The following RBFOX1 variants were observed in gnomAD, a reference collection of about 807,000 sequenced individuals.
The protein encoded by RBFOX1 is RNA binding fox-1 homolog 1.
A neutral mutation model predicts 57.7 loss-of-function variants in RBFOX1; 8 were observed. The observed-to-expected ratio is 0.14, with a 90% CI of 0.08 to 0.25. The LOEUF (loss-of-function observed/expected upper bound fraction) is 0.25, where lower values mean the gene tolerates loss of function less well. Among genes scored for constraint, RBFOX1 ranks in the 10% least tolerant of loss-of-function variants. The pLI is 1.00. For synonymous variants in RBFOX1, 326 were observed against 222.4 expected (o/e 1.47, Z -4.15); for missense variants, 611 against 548.5 (o/e 1.11, Z -1.14).
chr16:6,810,582 C>G (rs1161792955), intron 3 of RBFOX1, among the ~76,000 whole-genome samples: 1 of 151,854 alleles, frequency 6.6e-6, no homozygotes, highest in Non-Finnish European at 1.5e-5. Flanking sequence ...TTATGAGTTT[C>G]ATAGTGCTAT....
chr16:5,601,015 T>G (rs1328556683), downstream of RBFOX1, among the ~76,000 whole-genome samples: 1 of 152,234 alleles, frequency 6.6e-6, no homozygotes, highest in African/African-American at 2.4e-5. Flanking sequence ...CCAGGAGTCT[T>G]GCAGCTTCAC....
intron 3 of RBFOX1, among the ~76,000 whole-genome samples, chr16:5,717,022 CT>C (rs145171515): frequency 0.027 from 4,100 of 152,216 alleles, 171 homozygotes; most frequent in African/African-American, 0.089. Flanking sequence ...GCAGAAAAAA[CT>C]CTTAACTCCA....
chr16:7,699,746 C>G (rs1187774569), intron 14 of RBFOX1, among the ~76,000 whole-genome samples: 1 of 150,416 alleles, frequency 6.6e-6, no homozygotes, highest in Non-Finnish European at 1.5e-5. Flanking sequence ...TTTTTTTTTA[C>G]TTTTTAAAAT....
intron 2 of RBFOX1, among the ~76,000 whole-genome samples, chr16:6,473,366 C>T (rs2095221232): frequency 1.3e-5 from 2 of 152,086 alleles, no homozygotes; most frequent in African/African-American, 4.8e-5. Context: ...TCAGTTCATG[C>T]AATAATGGAT....
chr16:7,590,789 G>A (rs1004046756), intron 7 of RBFOX1, among the ~76,000 whole-genome samples: 1 of 151,420 alleles, frequency 6.6e-6, no homozygotes, highest in Non-Finnish European at 1.5e-5. Context: ...AACCCGGGGG[G>A]TGGAGATTGC....
intron 2 of RBFOX1, among the ~76,000 whole-genome samples, chr16:6,351,248 G>A (rs189256136): frequency 6.7e-6 from 1 of 149,672 alleles, no homozygotes; most frequent in Admixed American, 6.7e-5. Context: ...ATATGCATAT[G>A]CGTTTGAATT....
At chr16:7,224,847 A>G (rs2092991464) in intron 4 of RBFOX1, among the ~76,000 whole-genome samples, 1 of 152,124 alleles carries the variant, frequency 6.6e-6, no homozygotes, top group Admixed American at 6.5e-5. Context: ...TTCCAGACAC[A>G]CCTACTGGAT....
At chr16:5,584,656 C>G (rs551656612) in intron 2 of RBFOX1, among the ~76,000 whole-genome samples, 35 of 152,296 alleles carry the variant, frequency 2.3e-4, no homozygotes, top group African/African-American at 7.0e-4. Flanking sequence ...GTGTCTGAGG[C>G]TGTCCCTGTG....
chr16:7,306,973 A>G (rs538082443), intron 4 of RBFOX1, among the ~76,000 whole-genome samples: 47 of 152,340 alleles, frequency 3.1e-4, no homozygotes, highest in African/African-American at 1.1e-3. Flanking sequence ...ACAGAAGGGT[A>G]ATCTTTGATC....
chr16:6,409,264 A>G (rs1344275190), intron 2 of RBFOX1, among the ~76,000 whole-genome samples: 1 of 152,092 alleles, frequency 6.6e-6, no homozygotes, highest in African/African-American at 2.4e-5. Context: ...AAATACAAAA[A>G]TTAGCTGGGC....
At chr16:7,215,472 G>A (rs12599220) in intron 4 of RBFOX1, among the ~76,000 whole-genome samples, 64,236 of 151,982 alleles carry the variant, frequency 0.42, 14,864 homozygotes, top group East Asian at 0.92. Context: ...TATACACCAT[G>A]GAATTTTGTT....
intron 3 of RBFOX1, among the ~76,000 whole-genome samples, chr16:5,673,056 G>C (rs7194033): frequency 0.81 from 123,416 of 151,952 alleles, 50,359 homozygotes; most frequent in Admixed American, 0.86. Flanking sequence ...GCCTCCACCC[G>C]CTTCCAGCGG....
In RBFOX1 at chr16:6,617,127, C is replaced by T. The variant is rs547101117; in HGVS notation, c.-63-37476C>T. ...ACGAAGAGTTTTGGAAGACGTAAGA[C>T]TTAAGTGGTACAAGGAGAGGTCCTC... is the stretch of plus-strand genomic sequence containing the variant. On this transcript the variant is annotated intron_variant, in intron 2 of 15. Transcript: ENST00000550418. Among the ~76,000 whole-genome samples the T allele has an allele frequency of 3.3e-5, 5 of 152,132 alleles. No homozygotes were observed. In the South Asian group the frequency reaches 1.0e-3, roughly 32 times the overall value.
chr16:5,269,863 A>G (rs1446500419), intron 1 of RBFOX1, among the ~76,000 whole-genome samples: 1 of 152,220 alleles, frequency 6.6e-6, no homozygotes, highest in Non-Finnish European at 1.5e-5. Context: ...GGCTTTAAAA[A>G]TAGATTCCAG....
chr16:6,937,821 T>C (rs879843782), intron 3 of RBFOX1, among the ~76,000 whole-genome samples: 6 of 151,990 alleles, frequency 3.9e-5, no homozygotes, highest in Non-Finnish European at 8.8e-5. Context: ...CAAATGTTTC[T>C]TTTCAGACTT....
At chr16:6,559,441 C>G (rs2097150228) in intron 2 of RBFOX1, among the ~76,000 whole-genome samples, 1 of 152,070 alleles carries the variant, frequency 6.6e-6, no homozygotes, top group Non-Finnish European at 1.5e-5. Context: ...ATCTCAGCAC[C>G]ATCTTCTCTT....
rs561718239 is a variant in RBFOX1 at position 7,503,786 on chromosome 16, G to C, written c.28-14361G>C. Among the ~76,000 whole-genome samples the C allele has an allele frequency of 3.9e-5, 6 of 152,198 alleles. No homozygotes were observed. In the South Asian group the frequency reaches 1.2e-3, roughly 32 times the overall value. On this transcript the variant is annotated intron_variant, in intron 4 of 15. Transcript: ENST00000550418. ...AATTCACTTTTGCCAATGTTTATTT[G>C]CATGGTTTGATTTTCTGCTTGTCCA...
At position 6,033,658 on chromosome 16, in the gene RBFOX1, C is replaced by A. The variant is rs548923002; in HGVS notation, c.-127+13666C>A. Among the ~76,000 whole-genome samples, 6 of 152,224 alleles carry A rather than the reference C, an allele frequency of 3.9e-5. No individual in the cohort carries two copies. In the South Asian group the frequency reaches 1.2e-3, roughly 32 times the overall value. ...CCTTTGTTAATGGATATATAGTATT[C>A]CATTGCACATGCTTACATTATTTAA... On this transcript the variant is annotated intron_variant, in intron 1 of 15. Coordinates refer to ENST00000550418, the MANE Select transcript of RBFOX1 (RefSeq NM_018723.4).
At chr16:7,230,298 G>A (rs1290265531) in intron 4 of RBFOX1, among the ~76,000 whole-genome samples, 1 of 152,112 alleles carries the variant, frequency 6.6e-6, no homozygotes, top group African/African-American at 2.4e-5. Context: ...GTTGTCTAGT[G>A]GACAAGGCAA....
Sources: allele counts gnomAD v4.1 joint callset (sites outside exome capture counted in the v4.1 genomes callset), GRCh38; gene constraint gnomAD v4.1.1; transcripts MANE v1.5; gene names NCBI Gene and HGNC (gene_info 2026-07-23, HGNC 2026-07-21).